RAB39A: variants seen among roughly 807,000 people sequenced by gnomAD.
RAB39A encodes RAB39A, member RAS oncogene family.
RAB39A carries 17 observed loss-of-function variants against 20.9 expected under a neutral mutation model. That is an observed-to-expected ratio of 0.81 (90% CI 0.56 to 1.22). The LOEUF (loss-of-function observed/expected upper bound fraction) is 1.22, where lower values mean the gene tolerates loss of function less well. RAB39A is among the 50% of genes most tolerant of loss of function. The probability of loss-of-function intolerance (pLI) is 0.00; values close to 1 mark genes in which losing one functional copy is unlikely to be tolerated. For missense variants in RAB39A, 234 were observed against 270.5 expected, an observed-to-expected ratio of 0.87 and a Z score of 0.95; for synonymous variants, 99 against 103.4, an observed-to-expected ratio of 0.96 and a Z score of 0.26.
chr11:107,928,679 C>T lies in RAB39A; in HGVS notation c.111C>T (p.Arg37=), dbSNP rs759908561. The T allele has an allele frequency of 1.1e-5, 17 of 1,611,800 alleles. No individual in the cohort carries two copies. Among genetic ancestry groups the T allele is most frequent in the Non-Finnish European group, 1.4e-5 (17 of 1,179,006 alleles). Reference sequence around the variant, plus strand: ...CCCAGGGCCGCTTCCCCGGGCTGCGCTCCCCCGCCTGCGACCCCACCGTCG... The same window carrying T: ...CCCAGGGCCGCTTCCCCGGGCTGCGTTCCCCCGCCTGCGACCCCACCGTCG... ...RFTQGRFPGL[R]SPACDPTVGV... is the part of the protein sequence containing the mutation. The change falls in exon 1 of 2, where the codon CGC becomes CGT. Residue 37 remains arginine, a synonymous_variant. Coordinates refer to ENST00000320578, the MANE Select transcript of RAB39A (RefSeq NM_017516.3). This position sits in a 1 kb window ranked among gnomAD's most constrained non-coding sequence, Gnocchi z 4.9.
In RAB39A at chr11:107,928,824, C is replaced by A. The variant is rs186025298; in HGVS notation, c.227+29C>A. 35,874 of 1,476,552 alleles carry A rather than the reference C, an allele frequency of 0.024. 541 individuals carry two copies. The highest frequency in any genetic ancestry group is 0.033 in the South Asian group (2,575 of 77,242). The allele number at this position is 1,476,552 out of a possible 1,614,324, so 91.5% of individuals were successfully genotyped here. A position where few individuals can be genotyped will look rare whatever the true frequency, so the allele number is the denominator to read the frequency against. Reference sequence around the variant, plus strand: ...GGGACCCCGGGGACCTTGGGCACCGCGCCGCCCCCTCAGCCCGCCCGGACG... The same window carrying A: ...GGGACCCCGGGGACCTTGGGCACCGAGCCGCCCCCTCAGCCCGCCCGGACG... On this transcript the variant is annotated intron_variant, in intron 1 of 1. Coordinates refer to ENST00000320578, the MANE Select transcript of RAB39A (RefSeq NM_017516.3). The surrounding 1 kb of genome is among the most constrained non-coding windows in gnomAD (Gnocchi z 4.9).
Sources: gnomAD v4.1 joint callset for allele counts on GRCh38, gnomAD v4.1.1 for gene constraint, Gnocchi (gnomAD v3.1) non-coding constraint, MANE v1.5 for transcripts, NCBI Gene and HGNC (gene_info 2026-07-23, HGNC 2026-07-21) for gene names.